CSNK1G3: variants seen among roughly 807,000 people sequenced by gnomAD.
CSNK1G3 encodes casein kinase 1 gamma 3, also known as casein kinase I isoform gamma-3.
In CSNK1G3, 23 loss-of-function variants were observed where a neutral mutation model predicts 64.3. The observed-to-expected ratio is 0.36, with a 90% CI of 0.26 to 0.51. The LOEUF (loss-of-function observed/expected upper bound fraction) is 0.51, where lower values mean the gene tolerates loss of function less well. Ranked by LOEUF, CSNK1G3 falls within the 20% of genes least tolerant of loss-of-function variation. The probability of loss-of-function intolerance (pLI) is 0.96; values close to 1 mark genes in which losing one functional copy is unlikely to be tolerated. For synonymous variants in CSNK1G3, 158 were observed against 162.2 expected, an observed-to-expected ratio of 0.97 and a Z score of 0.20; for missense variants, 357 against 510.5, an observed-to-expected ratio of 0.70 and a Z score of 2.90.
At chr5:123,536,060 T>C (rs1379654683) in intron 1 of CSNK1G3, among the ~76,000 whole-genome samples, 1 of 152,178 alleles carries the variant, frequency 6.6e-6, no homozygotes, top group Non-Finnish European at 1.5e-5. Flanking sequence ...GCTTTTATTG[T>C]GGAACAGTTT....
At chr5:123,591,392 A>C in exon 10 of CSNK1G3, 1 of 1,608,822 alleles carries the variant, frequency 6.2e-7, no homozygotes, top group Non-Finnish European at 8.5e-7. Context: ...CACAGAGATA[A>C]GATGCAACAA....
chr5:123,614,412 G>T (rs750456338), exon 13 of CSNK1G3: 42 of 1,604,146 alleles, frequency 2.6e-5, no homozygotes, highest in Non-Finnish European at 1.2e-5. Context: ...GACACAGACA[G>T]ATCCTGGGGA....
chr5:123,581,256 C>G lies in CSNK1G3; in HGVS notation c.673+5293C>G, dbSNP rs536853207. On this transcript the variant is annotated intron_variant, in intron 6 of 12. Coordinates refer to ENST00000345990, the Ensembl canonical transcript of CSNK1G3. ...GATTACTATTATATAGCAATATTCT[C>G]AAGATCAGTTGGAGAAGGTTAGGAT... Among the ~76,000 whole-genome samples the G allele has an allele frequency of 4.0e-5, 6 of 150,524 alleles. No homozygotes were observed. In the South Asian group the frequency reaches 1.3e-3, roughly 32 times the overall value.
intron 4 of CSNK1G3, among the ~76,000 whole-genome samples, chr5:123,564,536 G>C (rs1786448499): frequency 6.6e-6 from 1 of 152,052 alleles, no homozygotes; most frequent in Non-Finnish European, 1.5e-5. Context: ...TTAGGGACTA[G>C]GGGGAAGAAT....
chr5:123,516,379 A>C (rs1777166180), intron 1 of CSNK1G3, among the ~76,000 whole-genome samples: 1 of 152,216 alleles, frequency 6.6e-6, no homozygotes, highest in Non-Finnish European at 1.5e-5. Context: ...TGGGAGATAA[A>C]TGTAGAAATA....
At chr5:123,613,567 T>G (rs548799047) in intron 12 of CSNK1G3, among the ~76,000 whole-genome samples, 1 of 152,250 alleles carries the variant, frequency 6.6e-6, no homozygotes, top group South Asian at 2.1e-4. Flanking sequence ...TCTTGCTGTA[T>G]TGTCCAGGCT....
At chr5:123,574,095 C>T (rs927142141) in intron 5 of CSNK1G3, among the ~76,000 whole-genome samples, 8 of 152,090 alleles carry the variant, frequency 5.3e-5, no homozygotes, top group South Asian at 2.1e-4. Flanking sequence ...GTGATCCGCC[C>T]GCCTTGGCCT....
At chr5:123,592,029 T>A (rs1210148205) in intron 10 of CSNK1G3, among the ~76,000 whole-genome samples, 1 of 152,082 alleles carries the variant, frequency 6.6e-6, no homozygotes, top group African/African-American at 2.4e-5. Flanking sequence ...GTTACTGTTA[T>A]TATTATTACA....
intron 10 of CSNK1G3, among the ~76,000 whole-genome samples, chr5:123,603,713 G>T (rs1391191417): frequency 6.6e-6 from 1 of 152,102 alleles, no homozygotes; most frequent in Non-Finnish European, 1.5e-5. Context: ...TGAGAAGTCA[G>T]CTAATAAGTA....
chr5:123,610,372 C>G (rs190690771), intron 12 of CSNK1G3, among the ~76,000 whole-genome samples: 1 of 152,104 alleles, frequency 6.6e-6, no homozygotes, highest in African/African-American at 2.4e-5. Context: ...TGGAGTCCTA[C>G]GTGGTTAGTT....
intron 12 of CSNK1G3, among the ~76,000 whole-genome samples, chr5:123,613,110 A>C (rs1748734819): frequency 6.6e-6 from 1 of 152,158 alleles, no homozygotes; most frequent in African/African-American, 2.4e-5. Flanking sequence ...TATGTCTGGA[A>C]GGGGAAAATG....
intron 1 of CSNK1G3, among the ~76,000 whole-genome samples, chr5:123,516,705 G>A (rs1484994706): frequency 1.3e-5 from 2 of 152,098 alleles, no homozygotes; most frequent in Non-Finnish European, 2.9e-5. Context: ...GTAATTTATT[G>A]AAAATTTATG....
intron 2 of CSNK1G3, among the ~76,000 whole-genome samples, chr5:123,551,864 C>T (rs372455877): frequency 6.6e-6 from 1 of 152,064 alleles, no homozygotes; most frequent in African/African-American, 2.4e-5. Flanking sequence ...TGAAAAAATA[C>T]TGGAAATTCA....
intron 2 of CSNK1G3, among the ~76,000 whole-genome samples, chr5:123,550,933 A>G (rs563617013): frequency 6.6e-6 from 1 of 152,344 alleles, no homozygotes; most frequent in Admixed American, 6.5e-5. Context: ...TTTCAGCAAC[A>G]TCTCTAGTAT....
At chr5:123,547,597 CTG>C (rs1389998262) in intron 2 of CSNK1G3, among the ~76,000 whole-genome samples, 1 of 152,056 alleles carries the variant, frequency 6.6e-6, no homozygotes, top group African/African-American at 2.4e-5. Context: ...CTTTTGTAGT[CTG>C]TGAATAAGCA....
At chr5:123,546,062 C>A (rs573342310) in intron 2 of CSNK1G3, 9 of 449,292 alleles carry the variant, frequency 2.0e-5, no homozygotes, top group East Asian at 3.4e-5. Flanking sequence ...GATTGACTAT[C>A]CAGATTATGA....
chr5:123,600,392 G>A (rs1324834031), intron 10 of CSNK1G3, among the ~76,000 whole-genome samples: 6 of 152,034 alleles, frequency 3.9e-5, no homozygotes, highest in African/African-American at 1.4e-4. Context: ...TTGGGAGGCT[G>A]AGGCGGGTGA....
chr5:123,518,757 G>A (rs1160844286), intron 1 of CSNK1G3, among the ~76,000 whole-genome samples: 1 of 152,132 alleles, frequency 6.6e-6, no homozygotes, highest in East Asian at 1.9e-4. Context: ...TGAGTTAGAT[G>A]GAAGAGGGAG....
intron 1 of CSNK1G3, among the ~76,000 whole-genome samples, chr5:123,531,927 G>A (rs572148873): frequency 1.1e-4 from 16 of 151,868 alleles, no homozygotes; most frequent in African/African-American, 3.4e-4. Context: ...ATTTTAATGG[G>A]TGCCTAATTT....
Sources: allele counts gnomAD v4.1 joint callset (sites outside exome capture counted in the v4.1 genomes callset), GRCh38; gene constraint gnomAD v4.1.1; transcripts MANE v1.5; gene names NCBI Gene and HGNC (gene_info 2026-07-23, HGNC 2026-07-21).